Variants in APC2 observed in about 807,000 individuals in gnomAD.
APC2 encodes the protein APC regulator of Wnt signaling pathway 2.
In APC2, 41 loss-of-function variants were observed where a neutral mutation model predicts 72.5. The observed-to-expected ratio is 0.57, with a 90% CI of 0.44 to 0.73. The LOEUF (loss-of-function observed/expected upper bound fraction) is 0.73. APC2 is among the 30% of genes least tolerant of loss of function. The pLI, the probability that APC2 is intolerant of heterozygous loss-of-function variation, is 0.00. For synonymous variants in APC2, 1,898 were observed against 1,612.0 expected (o/e 1.18, Z -4.25); for missense variants, 3,729 against 3,403.4 (o/e 1.10, Z -2.38).
rs553973800 is a variant in APC2 at position 1,466,442 on chromosome 19, G to A, written c.3141G>A (p.Pro1047=). The A allele has an allele frequency of 3.1e-5, 50 of 1,597,248 alleles. 1 individual carries two copies. The highest frequency in any genetic ancestry group is 3.3e-4 in the Middle Eastern group (2 of 6,056). The change falls in exon 15 of 15, where the codon CCG becomes CCA. Residue 1047 remains proline (P), a synonymous_variant. Transcript: ENST00000590469. ...SKVPEKLAAA[P]LSVASKALQK... is the part of the protein sequence containing the mutation. ...TTCCCGAGAAGCTGGCGGCTGCCCCGCTGTCTGTGGCCAGCAAGGCACTGC... is the reference window on the plus strand; with the variant it reads ...TTCCCGAGAAGCTGGCGGCTGCCCCACTGTCTGTGGCCAGCAAGGCACTGC...
At position 1,453,604 on chromosome 19, in the gene APC2, CG is replaced by C; in HGVS notation, c.409del (p.Glu137AsnfsTer6). ...CATCCGGCTGCTGGAGGAACTGGAC[CG>C]GGAACGGTGAGTGGGCGTGGGAACC... ...ATIRLLEELD[R>X]ERCFLLNEIE... On this transcript the variant is annotated frameshift_variant, in exon 4 of 15. Transcript: ENST00000590469. LOFTEE classifies it high-confidence loss of function. The C allele has an allele frequency of 1.3e-6, 2 of 1,599,616 alleles. No individual in the cohort carries two copies. The highest frequency in any genetic ancestry group is 8.5e-7 in the Non-Finnish European group (1 of 1,173,866).
chr19:1,456,048 G>A, intron 6 of APC2, 28 bp from the exon 7 acceptor site: 1 of 1,536,688 alleles, frequency 6.5e-7, no homozygotes, highest in Non-Finnish European at 8.7e-7. Context: ...GTCAGCTCCA[G>A]CACTTGCCCT....
In APC2 at chr19:1,470,347, G is replaced by T; in HGVS notation, c.*134G>T. On this transcript the variant is annotated 3_prime_UTR_variant, in exon 15 of 15. Coordinates refer to ENST00000590469, the MANE Select transcript of APC2 (RefSeq NM_005883.3). ...GCCCACCCGAGCCCCACCACTCTCA[G>T]AACCCCCGCCCAGCGCACGGCGACC... is the stretch of plus-strand genomic sequence containing the variant. 1 of 1,251,634 alleles carries T rather than the reference G, an allele frequency of 8.0e-7. No homozygotes were observed. The allele number at this position is 1,251,634 out of a possible 1,614,324, so 77.5% of individuals were successfully genotyped here. A position where few individuals can be genotyped will look rare whatever the true frequency, so the allele number is the denominator to read the frequency against.
At chr19:1,462,796 C>G (rs2083948853) in intron 14 of APC2, among the ~76,000 whole-genome samples, 1 of 149,226 alleles carries the variant, frequency 6.7e-6, no homozygotes, top group Non-Finnish European at 1.5e-5. Context: ...CGGTGAAACC[C>G]CCATCTCTAC....
intron 11 of APC2, 80 bp downstream of exon 11, chr19:1,460,400 C>A: frequency 6.3e-7 from 1 of 1,588,290 alleles, no homozygotes; most frequent in Non-Finnish European, 8.6e-7. Flanking sequence ...CTCATCCCAG[C>A]CTCGAAACAG....
At position 1,467,924 on chromosome 19, in the gene APC2, T is replaced by G; in HGVS notation, c.4623T>G (p.Arg1541=). Residue 1541 remains arginine (R), a synonymous_variant, in exon 15 of 15, where the codon CGT becomes CGG. Coordinates refer to ENST00000590469, the MANE Select transcript of APC2 (RefSeq NM_005883.3). ...SAIPRAFTRE[R]PQGRKEAPAP... Reference sequence around the variant, plus strand: ...TCCCTCGCGCTTTTACGCGGGAGCGTCCGCAGGGCCGGAAGGAGGCCCCTG... The same window carrying G: ...TCCCTCGCGCTTTTACGCGGGAGCGGCCGCAGGGCCGGAAGGAGGCCCCTG... 6.3e-7 allele frequency: 1 copy of G among 1,584,832 alleles called. No homozygotes were observed. The highest frequency in any genetic ancestry group is 8.5e-7 in the Non-Finnish European group (1 of 1,173,856).
chr19:1,469,764 C>T lies in APC2; in HGVS notation c.6463C>T (p.Pro2155Ser). 1 of 1,509,576 alleles carries T rather than the reference C, an allele frequency of 6.6e-7. No homozygotes were observed. Among genetic ancestry groups the T allele is most frequent in the Non-Finnish European group, 8.8e-7 (1 of 1,136,774 alleles). The allele number at this position is 1,509,576 out of a possible 1,614,324, so 93.5% of individuals were successfully genotyped here. A position where few individuals can be genotyped will look rare whatever the true frequency, so the allele number is the denominator to read the frequency against. The change falls in exon 15 of 15, where the codon CCC becomes TCC. Residue 2155 changes from proline to serine, a missense_variant. Coordinates refer to ENST00000590469, the MANE Select transcript of APC2 (RefSeq NM_005883.3). ...GCGGCGCATCCGAGATGAGGACGTG[C>T]CCCACATCCTGCGCAGCACGCTTCC... ...TWRRIRDEDV[P>S]HILRSTLPAT...
chr19:1,463,429 A>C (rs2145222730), intron 14 of APC2, among the ~76,000 whole-genome samples: 1 of 150,706 alleles, frequency 6.6e-6, no homozygotes, highest in East Asian at 2.0e-4. Context: ...AAAAAAAAAA[A>C]AAAATTAACC....
intron 10 of APC2, chr19:1,458,355 T>G: frequency 2.3e-6 from 1 of 437,320 alleles, no homozygotes; most frequent in Admixed American, 3.9e-5. Context: ...AGGGCAAAGA[T>G]AGATAGAAGA....
At chr19:1,455,309 G>A (rs765567854) in intron 5 of APC2, 52 bp downstream of exon 5, 1 of 1,583,352 alleles carries the variant, frequency 6.3e-7, no homozygotes, top group Non-Finnish European at 8.6e-7. Flanking sequence ...CTCAGGGTGC[G>A]GGAAGCGGCG....
At chr19:1,446,272 G>T, upstream of APC2, 1 of 984,846 alleles carries the variant, frequency 1.0e-6, no homozygotes, top group Non-Finnish European at 1.2e-6. The surrounding 1 kb of genome is among the most constrained non-coding windows in gnomAD (Gnocchi z 6.1). Flanking sequence ...GGCGGGTCCG[G>T]GGCGGCCGCG....
rs1369866645 is a variant in APC2, at chr19:1,452,255, G to A, written c.-18-729G>A. 3 of 153,724 alleles carry A rather than the reference G, an allele frequency of 2.0e-5. No individual in the cohort carries two copies. The East Asian group carries it at 5.8e-4, about 30-fold the overall frequency. 9.5% of individuals were successfully genotyped at this position (153,724 alleles called of 1,614,324 possible). ...GCGCGCTGGCAGAGTCAAGGGATGG[G>A]GCAGGGGCTGCCGGGGCCAGCAGGG... On this transcript the variant is annotated intron_variant, in intron 1 of 14. Coordinates refer to ENST00000590469, the MANE Select transcript of APC2 (RefSeq NM_005883.3). This position sits in a 1 kb window ranked among gnomAD's most constrained non-coding sequence, Gnocchi z 5.1.
rs979532580 is a variant in APC2 at position 1,468,364 on chromosome 19, C to T, written c.5063C>T (p.Ala1688Val). The T allele has an allele frequency of 6.4e-7, 1 of 1,571,438 alleles. No individual in the cohort carries two copies. Among genetic ancestry groups the T allele is most frequent in the Non-Finnish European group, 8.6e-7 (1 of 1,157,188 alleles). The change falls in exon 15 of 15, where the codon GCC (alanine) becomes GTC (valine). Residue 1688 changes from alanine to valine, a missense_variant. Ala to Val is a moderately conservative substitution (Grantham distance 64). Transcript: ENST00000590469. ...ASDLDSVEWRAIQEGANSIVT... is the reference protein window; with the variant it reads ...ASDLDSVEWRVIQEGANSIVT... ...GACCTGGATAGCGTGGAGTGGCGCG[C>T]CATCCAGGAGGGCGCCAATTCAATT...
chr19:1,456,591 G>A lies in APC2; in HGVS notation c.816+187G>A, dbSNP rs139721732. Reference sequence around the variant, plus strand: ...CCTGGCGAGGTGGATGGGGAAATACGTCCCGTAGCGGGGGCTAAGTGGGGC... The same window carrying A: ...CCTGGCGAGGTGGATGGGGAAATACATCCCGTAGCGGGGGCTAAGTGGGGC... On this transcript the variant is annotated intron_variant, in intron 8 of 14. Transcript: ENST00000590469. Among the ~76,000 whole-genome samples the A allele has an allele frequency of 3.5e-3, 533 of 152,238 alleles. 3 individuals are homozygous for A. The highest frequency in any genetic ancestry group is 0.012 in the African/African-American group (501 of 41,554).
Position 1,467,336 on chromosome 19 carries a change from G to C in APC2, c.4035G>C (p.Glu1345Asp). 1 of 1,430,532 alleles carries C rather than the reference G, an allele frequency of 7.0e-7. No individual in the cohort carries two copies. Among genetic ancestry groups the C allele is most frequent in the Non-Finnish European group, 9.1e-7 (1 of 1,096,090 alleles). The allele number at this position is 1,430,532 out of a possible 1,614,324, so 88.6% of individuals were successfully genotyped here. A position where few individuals can be genotyped will look rare whatever the true frequency, so the allele number is the denominator to read the frequency against. ...ACCAGGAGCTGGAACTGCTGCGGGA[G>C]TGCCTGGGAGCCGCCGTGCCTGCCC... ...AADQELELLRECLGAAVPARL... is the reference protein window; with the variant it reads ...AADQELELLRDCLGAAVPARL... Residue 1345 changes from glutamate (E) to aspartate (D), a missense_variant, in exon 15 of 15, where the codon GAG (glutamate) becomes GAC (aspartate). Transcript: ENST00000590469.
At chr19:1,453,697 A>T (rs373928263) in intron 4 of APC2, 86 bp downstream of exon 4, 18 of 1,489,378 alleles carry the variant, frequency 1.2e-5, no homozygotes, top group African/African-American at 2.8e-5. Flanking sequence ...GCCCACCCGC[A>T]TATGTCTCTG....
chr19:1,466,535 G>T lies in APC2; in HGVS notation c.3234G>T (p.Ser1078=), dbSNP rs377140511. 8 of 1,587,266 alleles carry T rather than the reference G, an allele frequency of 5.0e-6. No homozygotes were observed. In the South Asian group the frequency reaches 7.8e-5, roughly 16 times the overall value. Residue 1078 remains serine (S), a synonymous_variant, in exon 15 of 15, where the codon TCG becomes TCT. Transcript: ENST00000590469. ...SRCSSLSSLS[S]AGRPGPSEGG... is the part of the protein sequence containing the mutation. ...GCAGCTCCCTTTCCTCGCTGTCCTC[G>T]GCCGGCCGCCCAGGCCCCAGCGAGG...
intron 6 of APC2, 123 bp from the exon 7 acceptor site, chr19:1,455,953 T>TCATCCCAGGAAGAGGTAGGGTCAGGGCCC: frequency 5.6e-6 from 2 of 354,670 alleles, no homozygotes; most frequent in Admixed American, 1.2e-4. Flanking sequence ...GGTCAGGGCC[T>TCATCCCAGGAAGAGGTAGGGTCAGGGCCC]GGGGCGGGGT....
Position 1,467,929 on chromosome 19 carries a change from A to G in APC2, c.4628A>G (p.Gln1543Arg), listed in dbSNP as rs2145248502. 2.5e-6 allele frequency: 4 copies of G among 1,585,422 alleles called. No individual in the cohort carries two copies. The highest frequency in any genetic ancestry group is 3.4e-6 in the Non-Finnish European group (4 of 1,174,102). The change falls in exon 15 of 15, where the codon CAG becomes CGG. Residue 1543 changes from glutamine to arginine, a missense_variant. Coordinates refer to ENST00000590469, the MANE Select transcript of APC2 (RefSeq NM_005883.3). Reference protein sequence around the residue: ...IPRAFTRERPQGRKEAPAPSK... With the variant: ...IPRAFTRERPRGRKEAPAPSK... ...CGCGCTTTTACGCGGGAGCGTCCGC[A>G]GGGCCGGAAGGAGGCCCCTGCCCCG...
Sources: allele counts gnomAD v4.1 joint callset (sites outside exome capture counted in the v4.1 genomes callset), GRCh38; gene constraint gnomAD v4.1.1; non-coding constraint Gnocchi (gnomAD v3.1); transcripts MANE v1.5; gene names NCBI Gene and HGNC (gene_info 2026-07-23, HGNC 2026-07-21).